NDFIP2: variants seen among roughly 807,000 people sequenced by gnomAD.
NDFIP2 encodes the protein NEDD4 family-interacting protein 2.
Under a neutral mutation model 36.0 loss-of-function variants are expected in NDFIP2, and 19 were observed. The ratio of observed to expected loss-of-function variants is 0.53; its 90% CI spans 0.37 to 0.77. NDFIP2 has a LOEUF of 0.77. NDFIP2 is among the 30% of genes least tolerant of loss of function. NDFIP2 has a pLI of 0.00. For missense variants in NDFIP2, 446 were observed against 435.8 expected (o/e 1.02, Z -0.21); for synonymous variants, 181 against 167.7 (o/e 1.08, Z -0.61).
chr13:79,554,664 TTCCC>T lies in NDFIP2; in HGVS notation c.*2153_*2156del. 2 of 151,990 alleles carry T rather than the reference TTCCC, an allele frequency of 1.3e-5. No homozygotes were observed. Among genetic ancestry groups the T allele is most frequent in the South Asian group, 4.1e-4 (2 of 4,828 alleles). 9.4% of individuals were successfully genotyped at this position (151,990 alleles called of 1,614,324 possible). On this transcript the variant is annotated 3_prime_UTR_variant, in exon 8 of 8. Transcript: ENST00000218652. ...GAATGTTATTTTCAAGAACTTAATG[TTCCC>T]TTCAGATATATAAAATCCTGCATAC...
chr13:79,496,372 C>G (rs895524717), intron 1 of NDFIP2, among the ~76,000 whole-genome samples: 3 of 151,880 alleles, frequency 2.0e-5, no homozygotes, highest in Admixed American at 2.0e-4. Flanking sequence ...GACATTCTTT[C>G]ATTTCCTCCT....
chr13:79,497,790 TGGGGG>T (rs60067085), intron 1 of NDFIP2, among the ~76,000 whole-genome samples: 1 of 143,402 alleles, frequency 7.0e-6, no homozygotes, highest in Non-Finnish European at 1.5e-5. Flanking sequence ...CCTTTATCTG[TGGGGG>T]GTGTGTGTGT....
At chr13:79,512,144 T>C (rs1443871899) in intron 1 of NDFIP2, among the ~76,000 whole-genome samples, 1 of 152,198 alleles carries the variant, frequency 6.6e-6, no homozygotes, top group Non-Finnish European at 1.5e-5. Context: ...TTCTGGAGAA[T>C]CTGTCAAAAT....
rs1392682333 is a variant in NDFIP2, at chr13:79,552,727, C to T, written c.*214C>T. 4.0e-5 allele frequency: 6 copies of T among 151,818 alleles called. No individual in the cohort carries two copies. The highest frequency in any genetic ancestry group is 1.4e-4 in the African/African-American group (6 of 41,382). The allele number at this position is 151,818 out of a possible 1,614,324, so 9.4% of individuals were successfully genotyped here. On this transcript the variant is annotated 3_prime_UTR_variant, in exon 8 of 8. Transcript: ENST00000218652. ...ATATTTCATTTGTTTTGCACATATG[C>T]ATATGTGCCCATTTAAGATATTTGC...
Position 79,518,780 on chromosome 13 carries a change from A to C in NDFIP2, c.322-2030A>C, listed in dbSNP as rs186148139. On this transcript the variant is annotated intron_variant, in intron 1 of 7. Transcript: ENST00000218652. The stretch of plus-strand genomic sequence containing the variant: ...CAGAGGTCCTAAAAGGTAGAGCAAA[A>C]ATTTACATGCTGATCTTTCTTTTTT... Among the ~76,000 whole-genome samples the C allele has an allele frequency of 1.6e-3, 237 of 152,160 alleles. 1 individual carries two copies. The highest frequency in any genetic ancestry group is 2.5e-3 in the Non-Finnish European group (173 of 67,974).
intron 6 of NDFIP2, among the ~76,000 whole-genome samples, chr13:79,548,942 T>C (rs921427733): frequency 2.0e-5 from 3 of 152,026 alleles, no homozygotes; most frequent in Non-Finnish European, 2.9e-5. Flanking sequence ...TCAATTTTTG[T>C]TCCCTTTTGT....
At chr13:79,490,606 G>A (rs1455437995) in intron 1 of NDFIP2, among the ~76,000 whole-genome samples, 1 of 152,114 alleles carries the variant, frequency 6.6e-6, no homozygotes, top group African/African-American at 2.4e-5. Context: ...ATGAACAAAT[G>A]GGCTGTGTTC....
At chr13:79,483,247 T>C (rs541405955) in intron 1 of NDFIP2, among the ~76,000 whole-genome samples, 27 of 152,230 alleles carry the variant, frequency 1.8e-4, no homozygotes, top group Non-Finnish European at 3.5e-4. Context: ...AGGACATCGA[T>C]CTGTTCTCCT....
Position 79,481,327 on chromosome 13 carries a change from G to A in NDFIP2, c.124G>A (p.Gly42Arg), listed in dbSNP as rs748800950. The change falls in exon 1 of 8, where the codon GGA becomes AGA. Residue 42 changes from glycine to arginine, a missense_variant. Coordinates refer to ENST00000218652, the MANE Select transcript of NDFIP2 (RefSeq NM_019080.3). ...TNAEVSAAAA[G>R]ATGSEELPPG... ...CGCGGAGGTCTCGGCGGCCGCTGCG[G>A]GAGCCACAGGAAGTGAAGAGCTTCC... 13 of 1,545,376 alleles carry A rather than the reference G, an allele frequency of 8.4e-6. No homozygotes were observed. The South Asian group carries it at 1.1e-4, about 13-fold the overall frequency.
intron 1 of NDFIP2, among the ~76,000 whole-genome samples, chr13:79,493,035 A>G (rs1459708358): frequency 6.6e-6 from 1 of 151,804 alleles, no homozygotes; most frequent in Non-Finnish European, 1.5e-5. Context: ...TGTTCTTTTA[A>G]CTGTGTGCAC....
At chr13:79,521,823 C>CTTT (rs577691451) in intron 2 of NDFIP2, among the ~76,000 whole-genome samples, 7 of 130,468 alleles carry the variant, frequency 5.4e-5, no homozygotes, top group Non-Finnish European at 8.2e-5. Flanking sequence ...TTTCGTTTTG[C>CTTT]TTTTTTTTTT....
chr13:79,517,404 A>G (rs7321953), intron 1 of NDFIP2, among the ~76,000 whole-genome samples: 104,744 of 151,982 alleles, frequency 0.69, 37,490 homozygotes, highest in African/African-American at 0.89. Flanking sequence ...ATGATTAAGA[A>G]AAATTATTCT....
chr13:79,502,901 T>C (rs1223284340), intron 1 of NDFIP2, among the ~76,000 whole-genome samples: 1 of 151,442 alleles, frequency 6.6e-6, no homozygotes, highest in Non-Finnish European at 1.5e-5. Flanking sequence ...TTTTTTTTTT[T>C]TCTCTTTGAA....
chr13:79,524,491 A>G (rs1874713585), intron 2 of NDFIP2, among the ~76,000 whole-genome samples: 1 of 152,234 alleles, frequency 6.6e-6, no homozygotes, highest in Admixed American at 6.5e-5. Flanking sequence ...AGGCAAGTGT[A>G]TGTGGCCTTG....
intron 5 of NDFIP2, among the ~76,000 whole-genome samples, chr13:79,546,102 G>GCCT (rs943599835): frequency 5.9e-5 from 9 of 152,240 alleles, no homozygotes; most frequent in African/African-American, 2.2e-4. Flanking sequence ...TTTCTGTACT[G>GCCT]CCTCTGTTAC....
intron 1 of NDFIP2, among the ~76,000 whole-genome samples, chr13:79,501,871 C>T (rs1056949469): frequency 6.6e-6 from 1 of 152,178 alleles, no homozygotes; most frequent in African/African-American, 2.4e-5. Context: ...CAGGCCTGGT[C>T]GTTACTGGTT....
chr13:79,541,081 G>A (rs1875437814), intron 4 of NDFIP2, among the ~76,000 whole-genome samples: 1 of 151,974 alleles, frequency 6.6e-6, no homozygotes, highest in Non-Finnish European at 1.5e-5. Flanking sequence ...ACAAAAAAGA[G>A]TAGCTTAAAC....
At chr13:79,490,151 G>T (rs900346876) in intron 1 of NDFIP2, among the ~76,000 whole-genome samples, 9 of 152,144 alleles carry the variant, frequency 5.9e-5, no homozygotes, top group African/African-American at 1.9e-4. Flanking sequence ...GTTGTAGGGT[G>T]AGGATTAGGA....
At chr13:79,538,631 G>T (rs545719379) in intron 3 of NDFIP2, among the ~76,000 whole-genome samples, 1 of 152,306 alleles carries the variant, frequency 6.6e-6, no homozygotes, top group East Asian at 1.9e-4. Flanking sequence ...CGCCCAGACT[G>T]GAGTGCAGCG....
Sources: allele counts gnomAD v4.1 joint callset (sites outside exome capture counted in the v4.1 genomes callset), GRCh38; gene constraint gnomAD v4.1.1; transcripts MANE v1.5; gene names NCBI Gene and HGNC (gene_info 2026-07-23, HGNC 2026-07-21).